The following ARVCF variants were observed in gnomAD, a reference collection of about 807,000 sequenced individuals.
ARVCF encodes ARVCF delta catenin family member.
In ARVCF, 66 loss-of-function variants were observed where a neutral mutation model predicts 90.9. The ratio of observed to expected loss-of-function variants is 0.73; its 90% CI spans 0.60 to 0.89. ARVCF has a LOEUF of 0.89. Ranked by LOEUF, ARVCF falls within the 40% of genes least tolerant of loss-of-function variation. ARVCF has a pLI of 0.00. For synonymous variants in ARVCF, 653 were observed against 603.4 expected (o/e 1.08, Z -1.21); for missense variants, 1,469 against 1,382.3 (o/e 1.06, Z -1.00).
rs760320413 is a variant in ARVCF, at chr22:19,972,360, G to T, written c.2693C>A (p.Pro898Gln). The T allele has an allele frequency of 8.1e-6, 13 of 1,613,716 alleles. No individual in the cohort carries two copies. Among genetic ancestry groups the T allele is most frequent in the Non-Finnish European group, 3.4e-6 (4 of 1,179,980 alleles). The change falls in exon 17 of 20, where the codon CCA becomes CAA. Residue 898 changes from proline (P) to glutamine (Q), a missense_variant and splice_region_variant. Pro to Gln is a moderately conservative substitution (Grantham distance 76). Transcript: ENST00000263207. The stretch of plus-strand genomic sequence containing the variant: ...AACCACACTGCATCTGCACTCACCT[G>T]GGCCCAGCGCATCCATGGGGATCAC... The part of the protein sequence containing the change: ...RDVIPMDALG[P>Q]DGYSTVDRRE...
chr22:19,990,668 G>T lies in ARVCF; in HGVS notation c.127C>A (p.Arg43Ser), dbSNP rs752922654. 12 of 1,607,210 alleles carry T rather than the reference G, an allele frequency of 7.5e-6. No homozygotes were observed. The highest frequency in any genetic ancestry group is 1.0e-5 in the Non-Finnish European group (12 of 1,177,496). Residue 43 changes from arginine to serine, a missense_variant, in exon 3 of 20, where the codon CGT (arginine) becomes AGT (serine). Transcript: ENST00000263207. ...CTGACCATGCCAGGCTGCTGGGCAC[G>T]CTCCAGCTGTAGGGCAACATGGCGC... is the stretch of plus-strand genomic sequence containing the variant. ...ERRHVALQLE[R>S]AQQPGMVSGG... is the part of the protein sequence containing the mutation.
Position 19,980,129 on chromosome 22 carries a change from T to C in ARVCF, c.1010A>G (p.Asp337Gly). ...QPERGSMGSLDRLVRRSPSVD... is the reference protein window; with the variant it reads ...QPERGSMGSLGRLVRRSPSVD... ...TGAGGGCGAGCGCCGCACCAGCCGG[T>C]CCAGGCTGCCCATGCTGCCCCGTTC... Residue 337 changes from aspartate (D) to glycine (G), a missense_variant, in exon 6 of 20, where the codon GAC (aspartate) becomes GGC (glycine). Asp to Gly is a moderately conservative substitution (Grantham distance 94). Coordinates refer to ENST00000263207, the MANE Select transcript of ARVCF (RefSeq NM_001670.3). 1 of 1,592,454 alleles carries C rather than the reference T, an allele frequency of 6.3e-7. No homozygotes were observed. Among genetic ancestry groups the C allele is most frequent in the Non-Finnish European group, 8.5e-7 (1 of 1,172,430 alleles).
Position 19,972,932 on chromosome 22 carries a change from C to A in ARVCF, c.2543G>T (p.Arg848Leu). ...AGGCCAGGGAAGCCGCACCTGGAAG[C>A]GCGCCTTGGTCCAACCATCTTTCTG... is the stretch of plus-strand genomic sequence containing the variant. ...TLQKDGWTKARFQSAAATAKG... is the reference protein window; with the variant it reads ...TLQKDGWTKALFQSAAATAKG... Residue 848 changes from arginine to leucine, a missense_variant, in exon 15 of 20, where the codon CGC (arginine) becomes CTC (leucine). Coordinates refer to ENST00000263207, the MANE Select transcript of ARVCF (RefSeq NM_001670.3). 1 of 1,613,858 alleles carries A rather than the reference C, an allele frequency of 6.2e-7. No homozygotes were observed. Among genetic ancestry groups the A allele is most frequent in the South Asian group, 1.1e-5 (1 of 91,082 alleles).
intron 5 of ARVCF, 164 bp from the exon 6 acceptor site, chr22:19,980,406 G>A: frequency 9.0e-7 from 1 of 1,105,882 alleles, no homozygotes; most frequent in Non-Finnish European, 1.2e-6. Context: ...AGAGAGTCAT[G>A]CACCAGCCCA....
intron 2 of ARVCF, among the ~76,000 whole-genome samples, chr22:20,000,461 ATCCAGGGCAGAT>A: frequency 6.6e-6 from 1 of 152,220 alleles, no homozygotes; most frequent in South Asian, 2.1e-4. Context: ...GCACCACCCC[ATCCAGGGCAGAT>A]TCCAGGCCCT....
At chr22:19,994,175 C>T (rs1198716631) in intron 2 of ARVCF, among the ~76,000 whole-genome samples, 1 of 151,104 alleles carries the variant, frequency 6.6e-6, no homozygotes, top group African/African-American at 2.4e-5. Context: ...GAGGGACGGA[C>T]AGATTGATGG....
At position 19,980,265 on chromosome 22, in the gene ARVCF, T is replaced by C. The variant is rs533185224; in HGVS notation, c.897-23A>G. The stretch of plus-strand genomic sequence containing the variant: ...GCCCTGCACAGGCAAGTGGGGCGCG[T>C]GGACATCGTCACAGCAGCCGCCAGC... On this transcript the variant is annotated intron_variant, in intron 5 of 19. Coordinates refer to ENST00000263207, the MANE Select transcript of ARVCF (RefSeq NM_001670.3). The C allele has an allele frequency of 4.7e-6, 7 of 1,498,208 alleles. No homozygotes were observed. The Admixed American group carries it at 1.5e-4, about 33-fold the overall frequency. The allele number at this position is 1,498,208 out of a possible 1,614,324, so 92.8% of individuals were successfully genotyped here.
chr22:19,973,391 G>A, intron 13 of ARVCF, 74 bp from the exon 14 acceptor site: 23 of 1,488,630 alleles, frequency 1.5e-5, no homozygotes, highest in Non-Finnish European at 2.0e-5. Flanking sequence ...TCCCGCGAGG[G>A]CGAGGGGCAC....
chr22:19,988,381 CT>C (rs1182147857), intron 3 of ARVCF, among the ~76,000 whole-genome samples: 1 of 152,268 alleles, frequency 6.6e-6, no homozygotes, highest in Non-Finnish European at 1.5e-5. Flanking sequence ...CGCATCTTAT[CT>C]TTAAGCTGGC....
Position 19,973,734 on chromosome 22 carries a change from T to G in ARVCF, c.2148A>C (p.Glu716Asp). ...CCTTGTCGGTCTCAGACTGCAGCAGTTCCACAAGCACCGGCAGCCCGCGCT... is the reference window on the plus strand; with the variant it reads ...CCTTGTCGGTCTCAGACTGCAGCAGGTCCACAAGCACCGGCAGCCCGCGCT... ...RKERGLPVLV[E>D]LLQSETDKVV... The change falls in exon 13 of 20, where the codon GAA becomes GAC. Residue 716 changes from glutamate to aspartate, a missense_variant. Transcript: ENST00000263207. The G allele has an allele frequency of 6.2e-7, 1 of 1,609,438 alleles. No homozygotes were observed. Among genetic ancestry groups the G allele is most frequent in the South Asian group, 1.1e-5 (1 of 91,082 alleles).
At chr22:20,002,113 G>A (rs1234951711) in intron 2 of ARVCF, among the ~76,000 whole-genome samples, 2 of 152,224 alleles carry the variant, frequency 1.3e-5, no homozygotes, top group Admixed American at 6.5e-5. Flanking sequence ...TACGTCCAAC[G>A]GGGCTATCAG....
Position 19,970,660 on chromosome 22 carries a change from G to A in ARVCF, c.*96C>T. ...CGCTGCCAACCCCTGCCGCCAGGGG[G>A]CTCCAAGCTCCACGGCACGATCTGC... On this transcript the variant is annotated 3_prime_UTR_variant, in exon 20 of 20. Transcript: ENST00000263207. The A allele has an allele frequency of 3.9e-6, 5 of 1,286,112 alleles. No homozygotes were observed. The highest frequency in any genetic ancestry group is 5.1e-6 in the Non-Finnish European group (5 of 987,360). 79.7% of individuals were successfully genotyped at this position (1,286,112 alleles called of 1,614,324 possible). A position where few individuals can be genotyped will look rare whatever the true frequency, so the allele number is the denominator to read the frequency against.
At chr22:19,984,006 C>T (rs1176454317) in intron 3 of ARVCF, among the ~76,000 whole-genome samples, 3 of 152,142 alleles carry the variant, frequency 2.0e-5, no homozygotes, top group Non-Finnish European at 4.4e-5. Flanking sequence ...TGTGTCAGGC[C>T]CTGAGCTCTC....
chr22:19,972,856 G>C, intron 15 of ARVCF, 29 bp from the exon 16 acceptor site: 1 of 1,613,640 alleles, frequency 6.2e-7, no homozygotes, highest in Non-Finnish European at 8.5e-7. Flanking sequence ...ACACAGGGTG[G>C]GTGAAGCACA....
At chr22:19,987,113 C>G (rs763667020) in intron 3 of ARVCF, 4 of 542,426 alleles carry the variant, frequency 7.4e-6, no homozygotes, top group East Asian at 6.9e-5. Flanking sequence ...ACTCGGGGGG[C>G]GCTGGCCAGC....
chr22:19,968,756 C>T (rs769605719), downstream of ARVCF: 3 of 1,601,248 alleles, frequency 1.9e-6, no homozygotes, highest in Non-Finnish European at 2.5e-6. Flanking sequence ...CGGCCCCCCT[C>T]TCGGGCTCTC....
At chr22:19,996,339 T>C (rs927719826) in intron 2 of ARVCF, among the ~76,000 whole-genome samples, 7 of 147,906 alleles carry the variant, frequency 4.7e-5, no homozygotes, top group African/African-American at 1.2e-4. Context: ...GGCCACACAG[T>C]GTGGTCATGT....
chr22:19,976,822 C>T, intron 9 of ARVCF, 99 bp from the exon 10 acceptor site: 4 of 1,373,804 alleles, frequency 2.9e-6, no homozygotes, highest in Non-Finnish European at 2.0e-6. Context: ...GTTCCCACTG[C>T]ACACCCTGGA....
rs1943513594 is a variant in ARVCF, at chr22:19,981,704, T to C, written c.403A>G (p.Thr135Ala). The change falls in exon 5 of 20, where the codon ACA becomes GCA. Residue 135 changes from threonine to alanine, a missense_variant. Physicochemically the swap from Thr to Ala is moderately conservative, Grantham distance 58 (BLOSUM62 0). Transcript: ENST00000263207. ...TKTVKTVTTR[T>A]VRQVPVGPDG... ...GGGCCCACGGGCACCTGGCGTACTGTCCGAGTGGTCACCGTCTTGACAGTC... is the reference window on the plus strand; with the variant it reads ...GGGCCCACGGGCACCTGGCGTACTGCCCGAGTGGTCACCGTCTTGACAGTC... The C allele has an allele frequency of 2.5e-6, 4 of 1,585,310 alleles. No individual in the cohort carries two copies. The highest frequency in any genetic ancestry group is 3.4e-6 in the Non-Finnish European group (4 of 1,164,692).
Sources: gnomAD v4.1 joint callset for allele counts (sites outside exome capture counted in the v4.1 genomes callset) on GRCh38, gnomAD v4.1.1 for gene constraint, MANE v1.5 for transcripts, NCBI Gene and HGNC (gene_info 2026-07-23, HGNC 2026-07-21) for gene names.